Variants in FARP2 observed in about 807,000 individuals in gnomAD.
FARP2 encodes the protein FERM, ARHGEF and pleckstrin domain-containing protein 2.
A neutral mutation model predicts 130.5 loss-of-function variants in FARP2; 111 were observed. The observed-to-expected ratio is 0.85, with a 90% confidence interval of 0.73 to 1.00. The LOEUF (loss-of-function observed/expected upper bound fraction) is 1.00. Ranked by LOEUF, FARP2 falls within the 50% of genes least tolerant of loss-of-function variation. FARP2 has a pLI of 0.00. For missense variants in FARP2, 1,385 were observed against 1,346.3 expected (o/e 1.03, Z -0.45); for synonymous variants, 504 against 516.9 (o/e 0.98, Z 0.34).
chr2:241,491,547 G>A lies in FARP2; in HGVS notation c.2655G>A (p.Glu885=), dbSNP rs1410406355. The part of the protein sequence containing the change: ...RSPNEVSLEQ[E]SEDDARGVRS... ...CCAACGAGGTATCTCTGGAGCAGGA[G>A]TCAGAAGATGATGCTCGGGGTGTCC... Residue 885 remains glutamate, a synonymous_variant, in exon 24 of 27, where the codon GAG becomes GAA. Transcript: ENST00000264042. 3.1e-6 allele frequency: 5 copies of A among 1,613,728 alleles called. No individual in the cohort carries two copies. Among genetic ancestry groups the A allele is most frequent in the South Asian group, 1.1e-5 (1 of 91,078 alleles).
intron 2 of FARP2, among the ~76,000 whole-genome samples, chr2:241,402,729 C>G (rs1234606237): frequency 6.7e-6 from 1 of 148,560 alleles, no homozygotes; most frequent in Admixed American, 6.7e-5. Flanking sequence ...TGCAGTGGCA[C>G]AATCTCAACT....
chr2:241,489,909 G>A (rs931255750), intron 21 of FARP2, 53 bp from the exon 22 acceptor site: 21 of 1,260,800 alleles, frequency 1.7e-5, no homozygotes, highest in Non-Finnish European at 2.3e-5. Context: ...CTCAGGCTTA[G>A]GCTGTCAGTT....
At chr2:241,467,491 A>T (rs1320692291) in intron 17 of FARP2, among the ~76,000 whole-genome samples, 1 of 152,072 alleles carries the variant, frequency 6.6e-6, no homozygotes, top group Non-Finnish European at 1.5e-5. Context: ...TATAAAAAAT[A>T]TTTAAAAAAT....
chr2:241,357,522 G>A (rs1158808531), intron 1 of FARP2, among the ~76,000 whole-genome samples: 1 of 152,102 alleles, frequency 6.6e-6, no homozygotes, highest in Non-Finnish European at 1.5e-5. Flanking sequence ...CTTCATGCTC[G>A]TTATTTATTC....
At position 241,493,210 on chromosome 2, in the gene FARP2, C is replaced by T; in HGVS notation, c.2896-83C>T. 2.0e-6 allele frequency: 3 copies of T among 1,467,870 alleles called. No homozygotes were observed. The East Asian group carries it at 6.8e-5, about 33-fold the overall frequency. 90.9% of individuals were successfully genotyped at this position (1,467,870 alleles called of 1,614,324 possible). A position where few individuals can be genotyped will look rare whatever the true frequency, so the allele number is the denominator to read the frequency against. ...TTGGCCCGTGGGCATTTGTACGTGC[C>T]ACCGTTGTGCAGGTAGCAGAGGAAT... On this transcript the variant is annotated intron_variant, in intron 25 of 26. Transcript: ENST00000264042.
At chr2:241,398,307 G>C (rs11886549) in intron 2 of FARP2, among the ~76,000 whole-genome samples, 121,598 of 152,028 alleles carry the variant, frequency 0.8, 48,798 homozygotes, top group East Asian at 0.95. Context: ...AAAGTAGCCA[G>C]TGTTTTGATC....
chr2:241,459,161 C>T lies in FARP2; in HGVS notation c.1587+2239C>T, dbSNP rs928987989. 1.3e-5 allele frequency among the ~76,000 whole-genome samples: 2 copies of T among 152,234 alleles called. No homozygotes were observed. The highest frequency in any genetic ancestry group is 2.9e-5 in the Non-Finnish European group (2 of 68,038). ...TCCGAGATGGCAAGGATGGCCCTTT[C>T]ATCACCATGCAGGGGCTGCTGGTTT... On this transcript the variant is annotated intron_variant, in intron 14 of 26. Transcript: ENST00000264042. The surrounding 1 kb of genome is among the most constrained non-coding windows in gnomAD (Gnocchi z 5.3).
At chr2:241,404,333 A>T (rs1424363104) in intron 3 of FARP2, among the ~76,000 whole-genome samples, 1 of 152,244 alleles carries the variant, frequency 6.6e-6, no homozygotes, top group Non-Finnish European at 1.5e-5. Context: ...CCTTTAGTTC[A>T]AAAAGCATGT....
chr2:241,396,423 A>G (rs1390137142), intron 2 of FARP2, among the ~76,000 whole-genome samples: 2 of 151,978 alleles, frequency 1.3e-5, no homozygotes, highest in Admixed American at 6.6e-5. Context: ...GAAAATTTTC[A>G]CAACCTACTC....
intron 17 of FARP2, chr2:241,465,682 T>C (rs768565141): frequency 1.1e-4 from 165 of 1,550,814 alleles, no homozygotes; most frequent in Non-Finnish European, 1.3e-4. Context: ...AGGCTGCTCA[T>C]GAGTTCACCA....
chr2:241,480,772 T>G (rs1319534331), intron 19 of FARP2, among the ~76,000 whole-genome samples: 1 of 152,096 alleles, frequency 6.6e-6, no homozygotes, highest in African/African-American at 2.4e-5. Flanking sequence ...TCTAATAGTT[T>G]TATGTTTTAC....
At position 241,483,485 on chromosome 2, in the gene FARP2, C is replaced by T. The variant is rs1382857699; in HGVS notation, c.2283C>T (p.Cys761=). The T allele has an allele frequency of 1.2e-6, 2 of 1,614,192 alleles. No individual in the cohort carries two copies. Among genetic ancestry groups the T allele is most frequent in the East Asian group, 2.2e-5 (1 of 44,888 alleles). ...APGREFIREG[C]LHKLTKKGLQ... ...TTCAGGAGTTCATCCGTGAGGGCTG[C>T]CTTCACAAGCTCACCAAGAAGGGCC... The change falls in exon 20 of 27, where the codon TGC becomes TGT. Residue 761 remains cysteine, a synonymous_variant. Transcript: ENST00000264042.
At position 241,475,741 on chromosome 2, in the gene FARP2, T is replaced by G; in HGVS notation, c.2132-116T>G. 8 of 899,594 alleles carry G rather than the reference T, an allele frequency of 8.9e-6. No homozygotes were observed. Among genetic ancestry groups the G allele is most frequent in the Non-Finnish European group, 1.3e-5 (8 of 639,180 alleles). 55.7% of individuals were successfully genotyped at this position (899,594 alleles called of 1,614,324 possible). The stretch of plus-strand genomic sequence containing the variant: ...CGCTGCTATAAGGAGTCGAGTAGGA[T>G]GTACCTCTAATTAGAACTGCCTTTT... On this transcript the variant is annotated intron_variant, in intron 18 of 26. Coordinates refer to ENST00000264042, the MANE Select transcript of FARP2 (RefSeq NM_014808.4). The surrounding 1 kb of genome is among the most constrained non-coding windows in gnomAD (Gnocchi z 4.4).
chr2:241,432,932 T>G (rs1169719448), intron 9 of FARP2, among the ~76,000 whole-genome samples: 1 of 152,212 alleles, frequency 6.6e-6, no homozygotes, highest in African/African-American at 2.4e-5. Flanking sequence ...TGCCTACGCC[T>G]TTAAAAGGCA....
intron 4 of FARP2, among the ~76,000 whole-genome samples, chr2:241,405,987 C>A (rs951479962): frequency 6.6e-6 from 1 of 151,678 alleles, no homozygotes; most frequent in African/African-American, 2.4e-5. Flanking sequence ...AAAACTTTTT[C>A]ATTTATCATT....
intron 4 of FARP2, 45 bp from the exon 5 acceptor site, chr2:241,407,492 G>T: frequency 7.4e-7 from 1 of 1,359,400 alleles, no homozygotes; most frequent in African/African-American, 1.4e-5. Context: ...GAGAATAAAT[G>T]CAAAGATCGG....
intron 18 of FARP2, among the ~76,000 whole-genome samples, chr2:241,471,944 GATCCTGTTCTGAAGGA>G (rs1011794165): frequency 4.1e-5 from 6 of 145,494 alleles, no homozygotes; most frequent in African/African-American, 1.5e-4. Context: ...GTTCTGTGGT[GATCCTGTTCTGAAGGA>G]ATCCTGTTGT....
chr2:241,366,083 C>T (rs1489509863), intron 1 of FARP2, among the ~76,000 whole-genome samples: 1 of 3,816 alleles, frequency 2.6e-4, no homozygotes, highest in Non-Finnish European at 7.4e-4. Context: ...AGTGAGACCT[C>T]ATCACTACTA....
chr2:241,412,356 T>A (rs776746225), intron 6 of FARP2, among the ~76,000 whole-genome samples: 5 of 152,054 alleles, frequency 3.3e-5, no homozygotes, highest in Non-Finnish European at 7.4e-5. Flanking sequence ...AAGATGAGAT[T>A]TGGGTGGGAA....
Sources: gnomAD v4.1 joint callset for allele counts (sites outside exome capture counted in the v4.1 genomes callset) on GRCh38, gnomAD v4.1.1 for gene constraint, Gnocchi (gnomAD v3.1) non-coding constraint, MANE v1.5 for transcripts, NCBI Gene and HGNC (gene_info 2026-07-23, HGNC 2026-07-21) for gene names.